SCGN: variants seen among roughly 807,000 people sequenced by gnomAD.
SCGN encodes the protein secretagogin.
In SCGN, 30 loss-of-function variants were observed where a neutral mutation model predicts 39.7. The observed-to-expected ratio is 0.76, with a 90% CI of 0.57 to 1.03. The LOEUF is 1.03. Among genes scored for constraint, SCGN ranks in the 50% least tolerant of loss-of-function variants. The pLI is 0.00. For missense variants in SCGN, 353 were observed against 349.4 expected (o/e 1.01, Z -0.08); for synonymous variants, 106 against 114.1 (o/e 0.93, Z 0.45).
chr6:25,695,059 T>A (rs1297543373), intron 10 of SCGN, among the ~76,000 whole-genome samples: 1 of 152,218 alleles, frequency 6.6e-6, no homozygotes, highest in Non-Finnish European at 1.5e-5. Context: ...TATAGTTTTT[T>A]AATTCTTGGA....
At chr6:25,670,180 A>G in intron 6 of SCGN, 104 bp downstream of exon 6, 1 of 829,588 alleles carries the variant, frequency 1.2e-6, no homozygotes, top group Non-Finnish European at 2.1e-6. Context: ...GAAATTGAAG[A>G]CTAAATGAAT....
At chr6:25,688,421 T>C (rs1250620149) in intron 7 of SCGN, among the ~76,000 whole-genome samples, 1 of 152,190 alleles carries the variant, frequency 6.6e-6, no homozygotes, top group African/African-American at 2.4e-5. Flanking sequence ...CTTGAACCAG[T>C]AAGTCTCCCA....
chr6:25,675,268 T>A (rs1014536893), intron 6 of SCGN, among the ~76,000 whole-genome samples: 1 of 152,236 alleles, frequency 6.6e-6, no homozygotes, highest in African/African-American at 2.4e-5. Flanking sequence ...TTCTGTTTTA[T>A]CTAAGAAGTA....
At chr6:25,685,073 G>A (rs1340262066) in intron 7 of SCGN, among the ~76,000 whole-genome samples, 6 of 152,130 alleles carry the variant, frequency 3.9e-5, no homozygotes, top group Non-Finnish European at 4.4e-5. Flanking sequence ...TGGAAGAAGA[G>A]GCTAAAGAAT....
At chr6:25,665,441 A>G (rs1376598925) in intron 4 of SCGN, among the ~76,000 whole-genome samples, 1 of 152,228 alleles carries the variant, frequency 6.6e-6, no homozygotes, top group Non-Finnish European at 1.5e-5. Context: ...AGCAGCAACT[A>G]ATTTTAGTTT....
At chr6:25,685,498 A>G (rs1248646860) in intron 7 of SCGN, among the ~76,000 whole-genome samples, 1 of 152,106 alleles carries the variant, frequency 6.6e-6, no homozygotes, top group African/African-American at 2.4e-5. Context: ...AATTGGCTCA[A>G]ATTAATTCCC....
intron 10 of SCGN, among the ~76,000 whole-genome samples, chr6:25,698,135 G>A (rs541976203): frequency 4.6e-5 from 7 of 152,264 alleles, no homozygotes; most frequent in South Asian, 4.2e-4. Flanking sequence ...TCAGTGACAC[G>A]TGCATTTTTG....
chr6:25,657,735 A>G (rs537075590), intron 2 of SCGN, among the ~76,000 whole-genome samples: 20 of 149,826 alleles, frequency 1.3e-4, no homozygotes, highest in Non-Finnish European at 2.7e-4. Flanking sequence ...TTTCCAGTTT[A>G]TGAGAGCAAG....
chr6:25,660,581 A>ATG (rs1760319065), intron 2 of SCGN, among the ~76,000 whole-genome samples: 1 of 152,222 alleles, frequency 6.6e-6, no homozygotes, highest in East Asian at 1.9e-4. Context: ...TTACCAGCAC[A>ATG]TGCTGGGGTT....
At chr6:25,683,296 C>A (rs900397545) in intron 7 of SCGN, among the ~76,000 whole-genome samples, 2 of 152,158 alleles carry the variant, frequency 1.3e-5, no homozygotes, top group Non-Finnish European at 2.9e-5. Flanking sequence ...GAGCCAATCC[C>A]AAAGCCACCA....
rs552779926 is a variant in SCGN at position 25,658,786 on chromosome 6, T to A, written c.154-2766T>A. On this transcript the variant is annotated intron_variant, in intron 2 of 10. Transcript: ENST00000377961. ...CATGCATTTCATCTATTTATCATCA[T>A]TTGCAGCAAAAAAGCAACAAGTGAA... 5.1e-5 allele frequency among the ~76,000 whole-genome samples: 7 copies of A among 138,366 alleles called. No homozygotes were observed. The South Asian group carries it at 1.4e-3, about 27-fold the overall frequency. 90.8% of individuals were successfully genotyped at this position (138,366 alleles called of 152,430 possible).
intron 9 of SCGN, among the ~76,000 whole-genome samples, chr6:25,689,843 C>G (rs559781577): frequency 7.2e-5 from 11 of 152,162 alleles, no homozygotes; most frequent in African/African-American, 2.6e-4. Context: ...CAAAAACATA[C>G]AACCCTCCCA....
intron 7 of SCGN, among the ~76,000 whole-genome samples, chr6:25,682,912 G>A (rs1002245073): frequency 6.6e-6 from 1 of 152,184 alleles, no homozygotes; most frequent in Non-Finnish European, 1.5e-5. Context: ...TCCCACACCA[G>A]CTATCTCCTT....
chr6:25,668,479 T>C (rs886460268), intron 4 of SCGN, among the ~76,000 whole-genome samples: 1 of 152,210 alleles, frequency 6.6e-6, no homozygotes, highest in Non-Finnish European at 1.5e-5. Context: ...TTTTATCCCC[T>C]CCATCAGAGA....
intron 10 of SCGN, among the ~76,000 whole-genome samples, chr6:25,696,684 C>G (rs1326105310): frequency 6.6e-6 from 1 of 152,200 alleles, no homozygotes; most frequent in Admixed American, 6.5e-5. Flanking sequence ...GAAGAAAGAG[C>G]AGGTGTGCTT....
chr6:25,655,194 G>A lies in SCGN; in HGVS notation c.153+1742G>A, dbSNP rs536157219. On this transcript the variant is annotated intron_variant, in intron 2 of 10. Coordinates refer to ENST00000377961, the MANE Select transcript of SCGN (RefSeq NM_006998.4). Reference sequence around the variant, plus strand: ...AATCTTGGAATAAATGGGATGGCCAGCTCCTAAAAATCTGTCCTCAGGGAC... The same window carrying A: ...AATCTTGGAATAAATGGGATGGCCAACTCCTAAAAATCTGTCCTCAGGGAC... 1.3e-4 allele frequency among the ~76,000 whole-genome samples: 20 copies of A among 152,360 alleles called. No homozygotes were observed. The South Asian group carries it at 3.9e-3, about 30-fold the overall frequency.
chr6:25,674,726 C>T (rs1759543579), intron 6 of SCGN, among the ~76,000 whole-genome samples: 1 of 152,188 alleles, frequency 6.6e-6, no homozygotes, highest in Non-Finnish European at 1.5e-5. Context: ...AATGACCAAA[C>T]AGAAGAGAAA....
Position 25,652,269 on chromosome 6 carries a change from C to T in SCGN, c.-135C>T. 1.4e-6 allele frequency: 1 copy of T among 726,030 alleles called. No individual in the cohort carries two copies. The highest frequency in any genetic ancestry group is 2.4e-6 in the Non-Finnish European group (1 of 422,308). 45.0% of individuals were successfully genotyped at this position (726,030 alleles called of 1,614,324 possible). On this transcript the variant is annotated 5_prime_UTR_variant, in exon 1 of 11. Transcript: ENST00000377961. ...CCACGGCCAGCAGCGCTCGCGTCCT[C>T]CCCAGCAACAGTTACTCAAAGCTAA... is the stretch of plus-strand genomic sequence containing the variant.
In SCGN at chr6:25,673,502, C is replaced by A. The variant is rs759703302; in HGVS notation, c.471+3426C>A. 2.0e-5 allele frequency among the ~76,000 whole-genome samples: 3 copies of A among 152,202 alleles called. No individual in the cohort carries two copies. In the East Asian group the frequency reaches 5.8e-4, roughly 29 times the overall value. ...GGGATGTCCTGAGCTCAAGAAATTT[C>A]GATAGTATGCAATATTTTTAGCCTA... On this transcript the variant is annotated intron_variant, in intron 6 of 10. Coordinates refer to ENST00000377961, the MANE Select transcript of SCGN (RefSeq NM_006998.4).
Sources: allele counts gnomAD v4.1 joint callset (sites outside exome capture counted in the v4.1 genomes callset), GRCh38; gene constraint gnomAD v4.1.1; transcripts MANE v1.5; gene names NCBI Gene and HGNC (gene_info 2026-07-23, HGNC 2026-07-21).